TDRD3: variants seen among roughly 807,000 people sequenced by gnomAD.
TDRD3 encodes the protein tudor domain-containing protein 3.
Under a neutral mutation model 86.7 loss-of-function variants are expected in TDRD3, and 45 were observed. That is an observed-to-expected ratio of 0.52 (90% confidence interval 0.41 to 0.67). TDRD3 has a LOEUF of 0.67. TDRD3 is among the 30% of genes least tolerant of loss of function. TDRD3 has a pLI of 0.00. For synonymous variants in TDRD3, 298 were observed against 301.7 expected (o/e 0.99, Z 0.13); for missense variants, 814 against 889.0 (o/e 0.92, Z 1.07).
At chr13:60,397,533 G>A in intron 1 of TDRD3, 128 bp downstream of exon 1, 2 of 674,636 alleles carry the variant, frequency 3.0e-6, no homozygotes, top group Non-Finnish European at 2.1e-6. Flanking sequence ...GCCTCTCCCC[G>A]GGCCCTTCGG....
At chr13:60,487,924 C>T (rs1459647307) in intron 7 of TDRD3, among the ~76,000 whole-genome samples, 2 of 152,148 alleles carry the variant, frequency 1.3e-5, no homozygotes, top group Non-Finnish European at 2.9e-5. Context: ...CACATCCTCA[C>T]CAGTATTTGT....
At chr13:60,415,176 A>G (rs1477694598) in intron 1 of TDRD3, among the ~76,000 whole-genome samples, 1 of 152,088 alleles carries the variant, frequency 6.6e-6, no homozygotes, top group African/African-American at 2.4e-5. Context: ...TTAGGGAACT[A>G]GGCATGAAGG....
chr13:60,508,835 C>A (rs1214399030), intron 8 of TDRD3, among the ~76,000 whole-genome samples: 4 of 152,132 alleles, frequency 2.6e-5, no homozygotes, highest in Admixed American at 6.5e-5. Flanking sequence ...TACCTAATTA[C>A]AGGATTCAAA....
At chr13:60,565,039 A>ATTTT (rs1566310089) in intron 12 of TDRD3, among the ~76,000 whole-genome samples, 6 of 104,274 alleles carry the variant, frequency 5.8e-5, no homozygotes, top group African/African-American at 2.3e-4. Context: ...AACTATCAGT[A>ATTTT]TCTTTTTTTT....
At chr13:60,397,646 C>CCGGGCGG (rs1206411418) in intron 1 of TDRD3, among the ~76,000 whole-genome samples, 6 of 145,978 alleles carry the variant, frequency 4.1e-5, no homozygotes, top group East Asian at 2.0e-4. Context: ...GGCCTGGGCC[C>CCGGGCGG]CGGGCGGCGG....
At chr13:60,523,891 C>T (rs1195514831) in intron 10 of TDRD3, among the ~76,000 whole-genome samples, 1 of 151,870 alleles carries the variant, frequency 6.6e-6, no homozygotes, top group African/African-American at 2.4e-5. Context: ...GTACATTTTT[C>T]TATCACTTTT....
At chr13:60,450,847 T>C (rs1307341287) in intron 3 of TDRD3, among the ~76,000 whole-genome samples, 2 of 152,194 alleles carry the variant, frequency 1.3e-5, no homozygotes, top group Non-Finnish European at 2.9e-5. Flanking sequence ...TTGCTTTTCT[T>C]GCTAGACTGT....
At chr13:60,541,729 T>TTTTTTTTC (rs1957816839) in intron 12 of TDRD3, among the ~76,000 whole-genome samples, 1 of 128,764 alleles carries the variant, frequency 7.8e-6, no homozygotes, top group Non-Finnish European at 1.7e-5. Flanking sequence ...TTTTTTTTTT[T>TTTTTTTTC]TTTTTTTTTT....
At chr13:60,441,620 T>C (rs944190461) in intron 2 of TDRD3, among the ~76,000 whole-genome samples, 1 of 152,198 alleles carries the variant, frequency 6.6e-6, no homozygotes, top group Non-Finnish European at 1.5e-5. Flanking sequence ...TTTGAGTGAT[T>C]GTGGGAAATT....
At chr13:60,407,752 A>C (rs1174567506) in intron 1 of TDRD3, among the ~76,000 whole-genome samples, 1 of 152,170 alleles carries the variant, frequency 6.6e-6, no homozygotes, top group African/African-American at 2.4e-5. Context: ...ATGTTTTATG[A>C]GATAGCAACA....
intron 12 of TDRD3, among the ~76,000 whole-genome samples, chr13:60,540,048 C>T (rs1957776107): frequency 6.6e-6 from 1 of 152,062 alleles, no homozygotes; most frequent in South Asian, 2.1e-4. Context: ...AATACAAGCA[C>T]CTATGTGACC....
At chr13:60,425,741 A>C (rs1239112400) in intron 1 of TDRD3, among the ~76,000 whole-genome samples, 2 of 152,188 alleles carry the variant, frequency 1.3e-5, no homozygotes, top group Middle Eastern at 3.4e-3. Context: ...CCACTGAGAC[A>C]GCAAGACCAA....
At chr13:60,481,223 G>A (rs1168282646) in intron 5 of TDRD3, among the ~76,000 whole-genome samples, 2 of 152,096 alleles carry the variant, frequency 1.3e-5, no homozygotes, top group African/African-American at 4.8e-5. Context: ...CATGGTTGGT[G>A]TGCGTTTTAT....
At chr13:60,500,045 C>T (rs1202622229) in intron 8 of TDRD3, among the ~76,000 whole-genome samples, 1 of 152,196 alleles carries the variant, frequency 6.6e-6, no homozygotes, top group East Asian at 1.9e-4. Flanking sequence ...TCGCAGGCCG[C>T]CATAGGTGAA....
At position 60,397,227 on chromosome 13, in the gene TDRD3, A is replaced by G; in HGVS notation, c.-138A>G. On this transcript the variant is annotated 5_prime_UTR_variant, in exon 1 of 14. The change abolishes an upstream ATG in the 5' untranslated region. Coordinates refer to ENST00000377881, the MANE Select transcript of TDRD3 (RefSeq NM_001146070.2). ...CGCGGAAGCGCCGGCCGCACTGAGC[A>G]TGCCCAGTTGCAGAGCCGACCAGAG... The G allele has an allele frequency of 2.1e-6, 1 of 472,418 alleles. No individual in the cohort carries two copies. The highest frequency in any genetic ancestry group is 3.5e-6 in the Non-Finnish European group (1 of 282,950). The allele number at this position is 472,418 out of a possible 1,614,324, so 29.3% of individuals were successfully genotyped here.
chr13:60,562,530 T>C (rs1958358707), intron 12 of TDRD3, among the ~76,000 whole-genome samples: 1 of 152,184 alleles, frequency 6.6e-6, no homozygotes, highest in South Asian at 2.1e-4. Context: ...CAGTTTACAC[T>C]TCCATACATA....
intron 12 of TDRD3, among the ~76,000 whole-genome samples, chr13:60,550,934 G>A (rs1365533646): frequency 6.6e-6 from 1 of 152,162 alleles, no homozygotes; most frequent in Non-Finnish European, 1.5e-5. Flanking sequence ...TATAGGAGCT[G>A]CTTATGGATA....
intron 1 of TDRD3, among the ~76,000 whole-genome samples, chr13:60,420,871 G>A (rs2137869349): frequency 6.6e-6 from 1 of 152,268 alleles, no homozygotes; most frequent in East Asian, 1.9e-4. Context: ...ATGAACCCAG[G>A]AGGCGGAGCT....
chr13:60,402,691 CTTTTTT>C (rs35984156), intron 1 of TDRD3, among the ~76,000 whole-genome samples: 1 of 73,272 alleles, frequency 1.4e-5, no homozygotes, highest in Non-Finnish European at 2.5e-5. Flanking sequence ...AAACCAATTG[CTTTTTT>C]TTTTTTTTTT....
Sources: gnomAD v4.1 joint callset for allele counts (sites outside exome capture counted in the v4.1 genomes callset) on GRCh38, gnomAD v4.1.1 for gene constraint, MANE v1.5 for transcripts, NCBI Gene and HGNC (gene_info 2026-07-23, HGNC 2026-07-21) for gene names.